ERLEC1: variants seen among roughly 807,000 people sequenced by gnomAD.
ERLEC1 encodes endoplasmic reticulum lectin 1.
A neutral mutation model predicts 68.0 loss-of-function variants in ERLEC1; 47 were observed. The ratio of observed to expected loss-of-function variants is 0.69; its 90% CI spans 0.55 to 0.88. ERLEC1 has a LOEUF of 0.88. ERLEC1 is among the 40% of genes least tolerant of loss of function. ERLEC1 has a pLI of 0.00. For synonymous variants in ERLEC1, 225 were observed against 203.2 expected (o/e 1.11, Z -0.91); for missense variants, 567 against 583.8 (o/e 0.97, Z 0.30).
Position 53,801,455 on chromosome 2 carries a change from A to G in ERLEC1, c.584A>G (p.Asn195Ser), listed in dbSNP as rs1676000252. The G allele has an allele frequency of 6.2e-7, 1 of 1,614,074 alleles. No homozygotes were observed. Among genetic ancestry groups the G allele is most frequent in the Non-Finnish European group, 8.5e-7 (1 of 1,179,976 alleles). ...CCATACTATCCTGTGGGAATGGGAAATGGTACACCTTGTAGTTTGAAACAG... is the reference window on the plus strand; with the variant it reads ...CCATACTATCCTGTGGGAATGGGAAGTGGTACACCTTGTAGTTTGAAACAG... ...MTPYYPVGMGNGTPCSLKQNR... is the reference protein window; with the variant it reads ...MTPYYPVGMGSGTPCSLKQNR... Residue 195 changes from asparagine (N) to serine (S), a missense_variant, in exon 7 of 14, where the codon AAT becomes AGT. By Grantham distance (46) the Asn-to-Ser change is conservative. Coordinates refer to ENST00000185150, the MANE Select transcript of ERLEC1 (RefSeq NM_015701.5).
At chr2:53,816,121 C>A (rs1013986570) in intron 13 of ERLEC1, among the ~76,000 whole-genome samples, 1 of 152,150 alleles carries the variant, frequency 6.6e-6, no homozygotes, top group African/African-American at 2.4e-5. Context: ...TCGGCCACTA[C>A]ACAGGCTGGA....
chr2:53,814,300 C>G (rs1676745966), intron 11 of ERLEC1, among the ~76,000 whole-genome samples: 1 of 152,078 alleles, frequency 6.6e-6, no homozygotes, highest in African/African-American at 2.4e-5. Flanking sequence ...AAATAATATG[C>G]AAGTTGAAAA....
At chr2:53,796,942 A>AGT (rs1178023327) in intron 3 of ERLEC1, among the ~76,000 whole-genome samples, 2 of 133,210 alleles carry the variant, frequency 1.5e-5, no homozygotes, top group African/African-American at 5.8e-5. Context: ...CCCAGGCTGG[A>AGT]GTGCAGTGGC....
chr2:53,817,928 G>A lies in ERLEC1; in HGVS notation c.1411G>A (p.Asp471Asn). 6.2e-7 allele frequency: 1 copy of A among 1,607,378 alleles called. No homozygotes were observed. Among genetic ancestry groups the A allele is most frequent in the Non-Finnish European group, 8.5e-7 (1 of 1,174,296 alleles). ...ATCTCCAGTGATCTGTAAAATCTTA[G>A]ATACAGCAGATGAAAATGGACTTCT... ...VESPVICKILDTADENGLLSL... is the reference protein window; with the variant it reads ...VESPVICKILNTADENGLLSL... The change falls in exon 14 of 14, where the codon GAT (aspartate) becomes AAT (asparagine). Residue 471 changes from aspartate to asparagine, a missense_variant. Coordinates refer to ENST00000185150, the MANE Select transcript of ERLEC1 (RefSeq NM_015701.5).
chr2:53,792,771 C>A (rs746905060), intron 1 of ERLEC1, among the ~76,000 whole-genome samples: 23 of 152,184 alleles, frequency 1.5e-4, no homozygotes, highest in Non-Finnish European at 2.4e-4. Context: ...AATCCCAACA[C>A]TTTGGGAGAC....
In ERLEC1 at chr2:53,794,365, TA is replaced by T; in HGVS notation, c.186del (p.Glu63LysfsTer7). ...TGCAGCCCACAACTGGAGTTTTATATAAAGAAGATAATTATGTCATCATGAC... is the reference window on the plus strand; with the variant it reads ...TGCAGCCCACAACTGGAGTTTTATATAAGAAGATAATTATGTCATCATGAC... ...FSLPTTGVLY[K>X]EDNYVIMTTA... On this transcript the variant is annotated frameshift_variant, in exon 2 of 14. Coordinates refer to ENST00000185150, the MANE Select transcript of ERLEC1 (RefSeq NM_015701.5). LOFTEE classifies it high-confidence loss of function. 6.4e-7 allele frequency: 1 copy of T among 1,554,840 alleles called. No individual in the cohort carries two copies. Among genetic ancestry groups the T allele is most frequent in the Non-Finnish European group, 8.8e-7 (1 of 1,142,082 alleles).
At chr2:53,807,831 C>G (rs1198808627) in intron 8 of ERLEC1, among the ~76,000 whole-genome samples, 1 of 150,986 alleles carries the variant, frequency 6.6e-6, no homozygotes, top group East Asian at 1.9e-4. Context: ...TGGTGAAAGC[C>G]CATCTGTACT....
chr2:53,812,930 A>C lies in ERLEC1; in HGVS notation c.1102-19A>C, dbSNP rs374752817. 25 of 1,597,826 alleles carry C rather than the reference A, an allele frequency of 1.6e-5. No homozygotes were observed. Among genetic ancestry groups the C allele is most frequent in the East Asian group, 2.2e-5 (1 of 44,810 alleles). ...ATGATATCAAGCACGCATTATCACA[A>C]ATTTTTTTCCCATATTAGGACAAGG... On this transcript the variant is annotated intron_variant, in intron 10 of 13. Transcript: ENST00000185150.
chr2:53,790,965 A>C (rs1279324908), intron 1 of ERLEC1, among the ~76,000 whole-genome samples: 6 of 152,228 alleles, frequency 3.9e-5, no homozygotes, highest in Non-Finnish European at 8.8e-5. Flanking sequence ...ACCACAAATC[A>C]GTCTAATTTT....
intron 1 of ERLEC1, among the ~76,000 whole-genome samples, chr2:53,792,291 G>A (rs1367384524): frequency 6.6e-6 from 1 of 151,562 alleles, no homozygotes; most frequent in Non-Finnish European, 1.5e-5. Context: ...CTGAGTAGCT[G>A]AGATTACAGG....
At chr2:53,797,128 C>T (rs528838197) in intron 3 of ERLEC1, among the ~76,000 whole-genome samples, 1 of 152,274 alleles carries the variant, frequency 6.6e-6, no homozygotes, top group South Asian at 2.1e-4. Flanking sequence ...CTCCTGGTCT[C>T]AAGTGATCTG....
chr2:53,815,038 G>C, intron 13 of ERLEC1, 103 bp downstream of exon 13: 1 of 643,940 alleles, frequency 1.6e-6, no homozygotes, highest in Non-Finnish European at 2.4e-6. Flanking sequence ...ACGGAGTCTT[G>C]CTCTGTGGCT....
chr2:53,801,694 C>T lies in ERLEC1; in HGVS notation c.750-19C>T, dbSNP rs544240244. The T allele has an allele frequency of 2.5e-6, 4 of 1,613,812 alleles. No homozygotes were observed. In the African/African-American group the frequency reaches 5.3e-5, roughly 22 times the overall value. On this transcript the variant is annotated intron_variant, in intron 7 of 13. Transcript: ENST00000185150. ...AAGTGTTCTGTGCATAGCTTTAATG[C>T]TTTGTTCCTACTGAACAGGTTCAGA...
At chr2:53,815,560 C>T (rs1676831361) in intron 13 of ERLEC1, among the ~76,000 whole-genome samples, 1 of 152,174 alleles carries the variant, frequency 6.6e-6, no homozygotes, top group Non-Finnish European at 1.5e-5. Context: ...ATACTCCCTT[C>T]CAGTAAATAC....
chr2:53,791,834 T>G (rs1003511473), intron 1 of ERLEC1, among the ~76,000 whole-genome samples: 1 of 151,820 alleles, frequency 6.6e-6, no homozygotes. Flanking sequence ...AAGAAATTCT[T>G]TATCATAAGT....
At chr2:53,817,164 C>T (rs902048542) in intron 13 of ERLEC1, among the ~76,000 whole-genome samples, 14 of 149,608 alleles carry the variant, frequency 9.4e-5, no homozygotes, top group Non-Finnish European at 1.8e-4. Context: ...GACAGAGTCT[C>T]GCTCTGTCAC....
At chr2:53,812,119 G>C (rs931899387) in intron 10 of ERLEC1, among the ~76,000 whole-genome samples, 2 of 152,086 alleles carry the variant, frequency 1.3e-5, no homozygotes, top group Non-Finnish European at 2.9e-5. Flanking sequence ...TCTACATGTT[G>C]GTCAGGCCGG....
chr2:53,787,673 C>T (rs912783037), intron 1 of ERLEC1: 48 of 313,038 alleles, frequency 1.5e-4, no homozygotes, highest in Admixed American at 9.7e-4. Flanking sequence ...CGTAGAATAA[C>T]GTCAGGTGCA....
chr2:53,812,428 C>G (rs2287347), intron 10 of ERLEC1, among the ~76,000 whole-genome samples: 25,918 of 151,910 alleles, frequency 0.17, 2,924 homozygotes, highest in African/African-American at 0.31. Flanking sequence ...ACAGACAGTT[C>G]CAATAGAGAA....
Sources: gnomAD v4.1 joint callset for allele counts (sites outside exome capture counted in the v4.1 genomes callset) on GRCh38, gnomAD v4.1.1 for gene constraint, MANE v1.5 for transcripts, NCBI Gene and HGNC (gene_info 2026-07-23, HGNC 2026-07-21) for gene names.